SLC26A8: variants seen among roughly 807,000 people sequenced by gnomAD.
SLC26A8 encodes testis anion transporter 1.
SLC26A8 carries 70 observed loss-of-function variants against 105.0 expected under a neutral mutation model. The ratio of observed to expected loss-of-function variants is 0.67; its 90% CI spans 0.55 to 0.81. The LOEUF (loss-of-function observed/expected upper bound fraction) is 0.81. Among genes scored for constraint, SLC26A8 ranks in the 40% least tolerant of loss-of-function variants. The pLI, the probability that SLC26A8 is intolerant of heterozygous loss-of-function variation, is 0.00. For missense variants in SLC26A8, 998 were observed against 1,181.8 expected (o/e 0.84, Z 2.28); for synonymous variants, 415 against 438.3 (o/e 0.95, Z 0.66).
chr6:35,968,772 G>GACCC lies in SLC26A8; in HGVS notation c.1365+104_1365+105insGGGT. On this transcript the variant is annotated intron_variant, in intron 11 of 19. Transcript: ENST00000490799. ...TCCGAATGCAATTCTCCTCGGAGAT[G>GACCC]CCCGCCCCCCCGCCCCCAGCCCCTT... The GACCC allele has an allele frequency of 4.8e-5, 5 of 103,686 alleles. 2 individuals are homozygous for GACCC. Among genetic ancestry groups the GACCC allele is most frequent in the South Asian group, 4.5e-4 (2 of 4,468 alleles). The allele number at this position is 103,686 out of a possible 1,614,324, so 6.4% of individuals were successfully genotyped here.
rs1326292611 is a variant in SLC26A8, at chr6:35,991,559, G to A, written c.942+100C>T. The stretch of plus-strand genomic sequence containing the variant: ...GTTTTCACAAATATAAGCATATATT[G>A]AAAACTAAATGTATTCAGCTTTTAC... On this transcript the variant is annotated intron_variant, in intron 7 of 19. Coordinates refer to ENST00000490799, the MANE Select transcript of SLC26A8 (RefSeq NM_052961.4). 6.5e-6 allele frequency: 6 copies of A among 919,074 alleles called. No individual in the cohort carries two copies. The South Asian group carries it at 8.1e-5, about 12-fold the overall frequency. The allele number at this position is 919,074 out of a possible 1,614,324, so 56.9% of individuals were successfully genotyped here. A position where few individuals can be genotyped will look rare whatever the true frequency, so the allele number is the denominator to read the frequency against.
At chr6:36,016,489 T>C (rs922798837) in intron 2 of SLC26A8, among the ~76,000 whole-genome samples, 2 of 152,238 alleles carry the variant, frequency 1.3e-5, no homozygotes, top group Non-Finnish European at 2.9e-5. Context: ...ATGACAAACA[T>C]TTCTATATTA....
In SLC26A8 at chr6:35,943,869, A is replaced by G. The variant is rs1460619525; in HGVS notation, c.*31T>C. 1.2e-6 allele frequency: 2 copies of G among 1,600,920 alleles called. No homozygotes were observed. The highest frequency in any genetic ancestry group is 1.7e-5 in the Admixed American group (1 of 59,318). ...TTTTTGGGTAGGAGGATTTGCCAGC[A>G]TTATCTGACCCCTTATTTCTAGTTC... On this transcript the variant is annotated 3_prime_UTR_variant, in exon 20 of 20. Transcript: ENST00000490799.
chr6:35,961,256 C>T (rs1166349327), intron 12 of SLC26A8, among the ~76,000 whole-genome samples, 157 bp from the exon 13 acceptor site: 1 of 152,210 alleles, frequency 6.6e-6, no homozygotes, highest in Non-Finnish European at 1.5e-5. Flanking sequence ...CCATGACAAA[C>T]AATGGGGCCC....
At chr6:35,983,550 C>T (rs993491472) in intron 7 of SLC26A8, among the ~76,000 whole-genome samples, 1 of 151,452 alleles carries the variant, frequency 6.6e-6, no homozygotes, top group East Asian at 1.9e-4. Context: ...TGCTCTTTTG[C>T]TCTCTTTTTT....
At chr6:35,985,017 T>C (rs1284692551) in intron 7 of SLC26A8, among the ~76,000 whole-genome samples, 1 of 152,212 alleles carries the variant, frequency 6.6e-6, no homozygotes, top group Non-Finnish European at 1.5e-5. Flanking sequence ...TTCATTTGCA[T>C]GACACAGCTT....
chr6:35,959,695 C>T lies in SLC26A8; in HGVS notation c.1731+19G>A, dbSNP rs1157849354. 8 of 1,601,586 alleles carry T rather than the reference C, an allele frequency of 5.0e-6. No homozygotes were observed. The highest frequency in any genetic ancestry group is 1.7e-4 in the Middle Eastern group (1 of 6,026). On this transcript the variant is annotated intron_variant, in intron 15 of 19. Coordinates refer to ENST00000490799, the MANE Select transcript of SLC26A8 (RefSeq NM_052961.4). Reference sequence around the variant, plus strand: ...CGGGGAGTGGGCAGGTTGAGAAAGGCGGGCAGGAGGGCAGATACCTCTTTT... The same window carrying T: ...CGGGGAGTGGGCAGGTTGAGAAAGGTGGGCAGGAGGGCAGATACCTCTTTT...
intron 3 of SLC26A8, among the ~76,000 whole-genome samples, chr6:36,006,349 A>C (rs1334383148): frequency 6.6e-6 from 1 of 152,108 alleles, no homozygotes; most frequent in Non-Finnish European, 1.5e-5. Flanking sequence ...CGACCTCCTG[A>C]CCTCAAGTGA....
intron 17 of SLC26A8, among the ~76,000 whole-genome samples, chr6:35,954,235 G>A (rs2127293522): frequency 6.6e-6 from 1 of 152,306 alleles, no homozygotes; most frequent in East Asian, 1.9e-4. Context: ...AAAGAAGTCA[G>A]GACCCGGGGA....
At chr6:36,004,820 A>AT (rs750395557) in intron 3 of SLC26A8, among the ~76,000 whole-genome samples, 2,911 of 121,996 alleles carry the variant, frequency 0.024, 40 homozygotes, top group Middle Eastern at 0.034. Flanking sequence ...ACCTAGTTAA[A>AT]TTTTTTTTTT....
chr6:36,015,106 C>CTTTTT (rs771966624), intron 2 of SLC26A8, among the ~76,000 whole-genome samples: 1 of 127,024 alleles, frequency 7.9e-6, no homozygotes, highest in Non-Finnish European at 1.7e-5. Context: ...CAAAATTGTG[C>CTTTTT]TTTTTTTTTT....
intron 16 of SLC26A8, among the ~76,000 whole-genome samples, chr6:35,957,006 T>C (rs1772098209): frequency 6.6e-6 from 1 of 151,208 alleles, no homozygotes; most frequent in Non-Finnish European, 1.5e-5. Flanking sequence ...GCAGATCACC[T>C]GAGGTTGGGA....
At position 35,948,788 on chromosome 6, in the gene SLC26A8, C is replaced by T. The variant is rs117219077; in HGVS notation, c.2472+2375G>A. Among the ~76,000 whole-genome samples the T allele has an allele frequency of 1.6e-3, 250 of 152,248 alleles. 6 individuals carry two copies. In the South Asian group the frequency reaches 0.024, roughly 15 times the overall value. ...ATTTGCATGAGTGGCTTCCAAAATC[C>T]ATCCACATTGTGGTGGTATTAAGAG... On this transcript the variant is annotated intron_variant, in intron 19 of 19. Transcript: ENST00000490799.
chr6:35,982,096 A>T (rs183085865), intron 8 of SLC26A8, 25 bp downstream of exon 8: 3 of 1,610,510 alleles, frequency 1.9e-6, no homozygotes, highest in Admixed American at 1.7e-5. Flanking sequence ...AGAGAAAAGC[A>T]ATCTTGAAAA....
rs376918251 is a variant in SLC26A8 at position 35,951,202 on chromosome 6, G to T, written c.2433C>A (p.Ser811=). 1.2e-6 allele frequency: 2 copies of T among 1,612,540 alleles called. No individual in the cohort carries two copies. The highest frequency in any genetic ancestry group is 1.3e-5 in the African/African-American group (1 of 74,414). ...IGSSELSIDE[S]ETVIRETYSE... ...AGTAGGTTTCCCGTATCACTGTCTC[G>T]GATTCATCGATGCTTAACTCAGAGG... is the stretch of plus-strand genomic sequence containing the variant. The change falls in exon 19 of 20, where the codon TCC becomes TCA. Residue 811 remains serine (S), a synonymous_variant. Coordinates refer to ENST00000490799, the MANE Select transcript of SLC26A8 (RefSeq NM_052961.4).
At chr6:35,990,601 C>G (rs1396898475) in intron 7 of SLC26A8, among the ~76,000 whole-genome samples, 1 of 152,134 alleles carries the variant, frequency 6.6e-6, no homozygotes, top group Non-Finnish European at 1.5e-5. Context: ...TGAGCTGCCT[C>G]AATTTCCTTA....
intron 11 of SLC26A8, among the ~76,000 whole-genome samples, chr6:35,964,760 G>A (rs1271365802): frequency 6.6e-6 from 1 of 151,956 alleles, no homozygotes; most frequent in Non-Finnish European, 1.5e-5. Context: ...GAGGTCAGGA[G>A]CTCAAGACCA....
chr6:35,977,197 C>T lies in SLC26A8; in HGVS notation c.1173+7G>A. The T allele has an allele frequency of 1.2e-6, 2 of 1,612,256 alleles. No individual in the cohort carries two copies. On this transcript the variant is annotated splice_region_variant and intron_variant, in intron 9 of 19. Coordinates refer to ENST00000490799, the MANE Select transcript of SLC26A8 (RefSeq NM_052961.4). ...TTAAGGATCAGAGGAAGTAGTAGTC[C>T]TCTCACCTGGTTGGAATTGACACTG...
intron 19 of SLC26A8, among the ~76,000 whole-genome samples, chr6:35,945,199 T>G (rs577682930): frequency 6.6e-6 from 1 of 152,342 alleles, no homozygotes; most frequent in Non-Finnish European, 1.5e-5. Context: ...AAAATGCCAA[T>G]GACATCATCC....
Sources: allele counts gnomAD v4.1 joint callset (sites outside exome capture counted in the v4.1 genomes callset), GRCh38; gene constraint gnomAD v4.1.1; transcripts MANE v1.5; gene names NCBI Gene and HGNC (gene_info 2026-07-23, HGNC 2026-07-21).